MAPRE1: variants seen among roughly 807,000 people sequenced by gnomAD.
The protein encoded by MAPRE1 is microtubule associated protein RP/EB family member 1.
Under a neutral mutation model 32.1 loss-of-function variants are expected in MAPRE1, and 5 were observed. The ratio of observed to expected loss-of-function variants is 0.16; its 90% CI spans 0.08 to 0.33. The LOEUF (loss-of-function observed/expected upper bound fraction) is 0.33, where lower values mean the gene tolerates loss of function less well. Ranked by LOEUF, MAPRE1 falls within the 10% of genes least tolerant of loss-of-function variation. The pLI is 1.00. For synonymous variants in MAPRE1, 122 were observed against 118.9 expected (o/e 1.03, Z -0.17); for missense variants, 209 against 327.2 (o/e 0.64, Z 2.79).
intron 1 of MAPRE1, among the ~76,000 whole-genome samples, chr20:32,824,738 G>A (rs1444864196): frequency 2.7e-5 from 4 of 149,578 alleles, no homozygotes; most frequent in Non-Finnish European, 5.9e-5. Flanking sequence ...GGACTCAGGC[G>A]CTCCTCCCAC....
chr20:32,829,883 T>C (rs983853222), intron 2 of MAPRE1, among the ~76,000 whole-genome samples: 1 of 152,196 alleles, frequency 6.6e-6, no homozygotes, highest in Non-Finnish European at 1.5e-5. Context: ...CTCCGTAGTT[T>C]GGAGAGCTAG....
At chr20:32,834,146 A>C (rs1267464944) in intron 3 of MAPRE1, among the ~76,000 whole-genome samples, 2 of 152,050 alleles carry the variant, frequency 1.3e-5, no homozygotes, top group East Asian at 3.9e-4. Context: ...TTCCTGTGTA[A>C]TCTCTAGTAG....
At chr20:32,845,942 C>G (rs1260485621) in intron 5 of MAPRE1, among the ~76,000 whole-genome samples, 1 of 152,172 alleles carries the variant, frequency 6.6e-6, no homozygotes, top group Non-Finnish European at 1.5e-5. Flanking sequence ...CCTGTAAATA[C>G]AGGTTTTTGC....
At chr20:32,838,486 C>G (rs527263341) in intron 4 of MAPRE1, among the ~76,000 whole-genome samples, 6 of 152,168 alleles carry the variant, frequency 3.9e-5, no homozygotes, top group African/African-American at 1.4e-4. Context: ...GTTTTGATTT[C>G]TCTCAGTTAC....
At chr20:32,845,797 G>T (rs1983491102) in intron 5 of MAPRE1, among the ~76,000 whole-genome samples, 1 of 152,132 alleles carries the variant, frequency 6.6e-6, no homozygotes, top group South Asian at 2.1e-4. Flanking sequence ...TTTTGTGGCT[G>T]TGAGTTCAGA....
chr20:32,843,418 T>G (rs979852436), intron 5 of MAPRE1: 1 of 152,204 alleles, frequency 6.6e-6, no homozygotes, highest in Non-Finnish European at 1.5e-5. Context: ...AAATTTACTT[T>G]TAGTTGATTT....
Position 32,839,720 on chromosome 20 carries a change from T to C in MAPRE1, c.476-15T>C, listed in dbSNP as rs1287469801. The C allele has an allele frequency of 1.9e-6, 3 of 1,613,018 alleles. No homozygotes were observed. The highest frequency in any genetic ancestry group is 1.3e-5 in the African/African-American group (1 of 74,870). On this transcript the variant is annotated splice_polypyrimidine_tract_variant and intron_variant, in intron 4 of 6. Coordinates refer to ENST00000375571, the MANE Select transcript of MAPRE1 (RefSeq NM_012325.3). ...GGAATTACTCCTTTTCAAAAACCTG[T>C]GCTCTCTTTTTCAGCTCCCCAGAGG...
chr20:32,831,611 C>T (rs1421293893), intron 2 of MAPRE1, among the ~76,000 whole-genome samples: 1 of 151,756 alleles, frequency 6.6e-6, no homozygotes, highest in African/African-American at 2.4e-5. Context: ...CAGCTCACTG[C>T]AACCATCGCC....
chr20:32,825,898 C>T (rs756030480), intron 1 of MAPRE1, 27 bp from the exon 2 acceptor site: 10 of 1,562,630 alleles, frequency 6.4e-6, no homozygotes, highest in Non-Finnish European at 7.0e-6. Flanking sequence ...GTAACACAGG[C>T]CCTTCTCTTT....
At chr20:32,836,296 T>C (rs2146131940) in intron 3 of MAPRE1, among the ~76,000 whole-genome samples, 1 of 152,396 alleles carries the variant, frequency 6.6e-6, no homozygotes, top group East Asian at 1.9e-4. Context: ...ATGCAAGTTA[T>C]ATAGCGGACC....
intron 4 of MAPRE1, among the ~76,000 whole-genome samples, chr20:32,838,232 A>T (rs576637189): frequency 6.0e-4 from 91 of 152,226 alleles, no homozygotes; most frequent in Non-Finnish European, 1.0e-3. Flanking sequence ...CTATACATGG[A>T]GTCATAGAGT....
At chr20:32,838,139 T>C (rs1037022794) in intron 4 of MAPRE1, among the ~76,000 whole-genome samples, 1 of 152,026 alleles carries the variant, frequency 6.6e-6, no homozygotes, top group African/African-American at 2.4e-5. Flanking sequence ...CTTCCCACTT[T>C]CCCCAGCTTT....
intron 4 of MAPRE1, among the ~76,000 whole-genome samples, chr20:32,838,631 C>T (rs865981809): frequency 2.0e-5 from 3 of 152,258 alleles, no homozygotes; most frequent in Admixed American, 6.6e-5. Context: ...GCAGGGTTCC[C>T]GTTTCTCTAG....
intron 2 of MAPRE1, among the ~76,000 whole-genome samples, chr20:32,827,559 C>G (rs1003452639): frequency 1.3e-5 from 2 of 152,098 alleles, no homozygotes; most frequent in Non-Finnish European, 2.9e-5. Flanking sequence ...TGTTCACTCA[C>G]TAATCATGAG....
chr20:32,825,774 A>C (rs1264951381), intron 1 of MAPRE1, among the ~76,000 whole-genome samples, 151 bp from the exon 2 acceptor site: 5 of 152,190 alleles, frequency 3.3e-5, no homozygotes, highest in African/African-American at 1.2e-4. Context: ...TGGGCGACAG[A>C]GTGAGACTCT....
chr20:32,837,991 G>A (rs1222716048), intron 4 of MAPRE1, among the ~76,000 whole-genome samples: 1 of 152,196 alleles, frequency 6.6e-6, no homozygotes, highest in Non-Finnish European at 1.5e-5. Flanking sequence ...GCTGAGGCAG[G>A]AGAATCGCTT....
chr20:32,848,569 C>T, intron 6 of MAPRE1, 103 bp from the exon 7 acceptor site: 1 of 822,304 alleles, frequency 1.2e-6, no homozygotes, highest in Non-Finnish European at 2.0e-6. Context: ...TGTATAGAGC[C>T]AGGAAGAACC....
At chr20:32,826,519 CTTTTTTTTTTT>C (rs71338460) in intron 2 of MAPRE1, among the ~76,000 whole-genome samples, 4 of 46,558 alleles carry the variant, frequency 8.6e-5, no homozygotes, top group Admixed American at 3.7e-4. Flanking sequence ...CACGCCCGGC[CTTTTTTTTTTT>C]TTTTTTTTTT....
intron 3 of MAPRE1, 114 bp from the exon 4 acceptor site, chr20:32,836,520 C>CT: frequency 1.5e-6 from 1 of 667,576 alleles, no homozygotes; most frequent in East Asian, 2.7e-5. Flanking sequence ...CCTAAGGTCT[C>CT]TAAAATATTT....
Sources: allele counts gnomAD v4.1 joint callset (sites outside exome capture counted in the v4.1 genomes callset), GRCh38; gene constraint gnomAD v4.1.1; transcripts MANE v1.5; gene names NCBI Gene and HGNC (gene_info 2026-07-23, HGNC 2026-07-21).